The following AKAP9 variants were observed in gnomAD, a reference collection of about 807,000 sequenced individuals.
The protein encoded by AKAP9 is A-kinase anchor protein 9.
A neutral mutation model predicts 488.5 loss-of-function variants in AKAP9; 311 were observed. The observed-to-expected ratio is 0.64, with a 90% confidence interval of 0.58 to 0.70. The LOEUF (loss-of-function observed/expected upper bound fraction) is 0.70. Among genes scored for constraint, AKAP9 ranks in the 30% least tolerant of loss-of-function variants. The pLI, the probability that AKAP9 is intolerant of heterozygous loss-of-function variation, is 0.00. For missense variants in AKAP9, 4,215 were observed against 4,374.5 expected (o/e 0.96, Z 1.03); for synonymous variants, 1,462 against 1,483.5 (o/e 0.99, Z 0.33).
intron 8 of AKAP9, among the ~76,000 whole-genome samples, chr7:92,005,975 C>T (rs376095757): frequency 2.6e-4 from 39 of 152,154 alleles, no homozygotes; most frequent in African/African-American, 8.9e-4. Flanking sequence ...GGCCAAATTG[C>T]TTAACTGTTA....
Position 92,002,338 on chromosome 7 carries a change from C to T in AKAP9, c.2421C>T (p.Asp807=), listed in dbSNP as rs535122332. The change falls in exon 8 of 50, where the codon GAC becomes GAT. Residue 807 remains aspartate (D), a synonymous_variant. Coordinates refer to ENST00000356239, the MANE Select transcript of AKAP9 (RefSeq NM_005751.5). ...AAGAAGAAAGATTGATTTTCTTAGA[C>T]TCCATTAAGTCCAAATCCAAAGACT... ...VSQEERLIFL[D]SIKSKSKDSV... 1.9e-6 allele frequency: 3 copies of T among 1,612,884 alleles called. No homozygotes were observed. Among genetic ancestry groups the T allele is most frequent in the East Asian group, 2.2e-5 (1 of 44,730 alleles).
chr7:92,070,929 G>T lies in AKAP9; in HGVS notation c.6532G>T (p.Ala2178Ser). ...GGTAGAGGACCGAAAACACTTTGGA[G>T]CTGTAGAAGCTAAACCAGAATTGTC... ...QKVEDRKHFGAVEAKPELSLE... is the reference protein window; with the variant it reads ...QKVEDRKHFGSVEAKPELSLE... Residue 2178 changes from alanine (A) to serine (S), a missense_variant, in exon 28 of 50, where the codon GCT (alanine) becomes TCT (serine). Physicochemically the swap from Ala to Ser is moderately conservative, Grantham distance 99 (BLOSUM62 1). Coordinates refer to ENST00000356239, the MANE Select transcript of AKAP9 (RefSeq NM_005751.5). 1 of 1,613,694 alleles carries T rather than the reference G, an allele frequency of 6.2e-7. No homozygotes were observed. The highest frequency in any genetic ancestry group is 1.1e-5 in the South Asian group (1 of 91,070).
chr7:92,003,371 T>G, intron 8 of AKAP9, 136 bp downstream of exon 8: 3 of 688,478 alleles, frequency 4.4e-6, no homozygotes, highest in Non-Finnish European at 7.1e-6. Context: ...AATTTTAACT[T>G]GAGCCTATCA....
chr7:92,082,657 C>G lies in AKAP9; in HGVS notation c.8155C>G (p.Leu2719Val), dbSNP rs748705500. Residue 2719 changes from leucine to valine, a missense_variant, in exon 32 of 50, where the codon CTT (leucine) becomes GTT (valine). Transcript: ENST00000356239. Reference protein sequence around the residue: ...KEKAEKLQEELLVKETNMTSL... With the variant: ...KEKAEKLQEEVLVKETNMTSL... Reference sequence around the variant, plus strand: ...AAAGGCTGAAAAACTTCAAGAAGAGCTTTTGGTAAGATAAGTAACATAGCT... The same window carrying G: ...AAAGGCTGAAAAACTTCAAGAAGAGGTTTTGGTAAGATAAGTAACATAGCT... 6.2e-7 allele frequency: 1 copy of G among 1,613,838 alleles called. No individual in the cohort carries two copies. The highest frequency in any genetic ancestry group is 1.7e-5 in the Admixed American group (1 of 60,004).
At chr7:92,060,695 C>T (rs1809613640) in intron 22 of AKAP9, among the ~76,000 whole-genome samples, 1 of 152,078 alleles carries the variant, frequency 6.6e-6, no homozygotes, top group Non-Finnish European at 1.5e-5. Context: ...TTAGGTGTTT[C>T]ACAAATGGAC....
intron 3 of AKAP9, among the ~76,000 whole-genome samples, chr7:91,982,108 T>C (rs1311862680): frequency 1.3e-5 from 2 of 152,166 alleles, no homozygotes; most frequent in African/African-American, 4.8e-5. Context: ...TTTTCTCACA[T>C]TGAGATAATA....
intron 1 of AKAP9, among the ~76,000 whole-genome samples, chr7:91,961,799 G>A (rs986693163): frequency 1.3e-5 from 2 of 151,728 alleles, no homozygotes; most frequent in African/African-American, 4.8e-5. Context: ...AGCTGAGATC[G>A]CGCCACTGCA....
intron 42 of AKAP9, 134 bp downstream of exon 42, chr7:92,097,928 T>C: frequency 2.1e-6 from 2 of 961,866 alleles, no homozygotes; most frequent in African/African-American, 3.3e-5. Context: ...GGAGGTGATA[T>C]TCTTTAACAG....
chr7:92,045,046 T>A lies in AKAP9; in HGVS notation c.5201T>A (p.Ile1734Asn). 1.2e-6 allele frequency: 2 copies of A among 1,613,616 alleles called. No individual in the cohort carries two copies. Among genetic ancestry groups the A allele is most frequent in the Non-Finnish European group, 8.5e-7 (1 of 1,179,690 alleles). ...AAAGCTAATAATAGACTTTTGAAGA[T>A]CCTCTTAGAAGTTGTAAAGACAACA... Reference protein sequence around the residue: ...LQKANNRLLKILLEVVKTTAA... With the variant: ...LQKANNRLLKNLLEVVKTTAA... Residue 1734 changes from isoleucine (I) to asparagine (N), a missense_variant, in exon 21 of 50, where the codon ATC becomes AAC. Ile to Asn is a moderately radical substitution (Grantham distance 149). This residue lies in a region of AKAP9 where 2,361 missense variants were observed against 2,430.0 expected (regional missense o/e 0.97). Coordinates refer to ENST00000356239, the MANE Select transcript of AKAP9 (RefSeq NM_005751.5).
In AKAP9 at chr7:92,083,387, A is replaced by G; in HGVS notation, c.8378A>G (p.Gln2793Arg). 1 of 1,614,054 alleles carries G rather than the reference A, an allele frequency of 6.2e-7. No individual in the cohort carries two copies. Among genetic ancestry groups the G allele is most frequent in the Non-Finnish European group, 8.5e-7 (1 of 1,179,982 alleles). The change falls in exon 33 of 50, where the codon CAG becomes CGG. Residue 2793 changes from glutamine to arginine, a missense_variant. By Grantham distance (43) the Gln-to-Arg change is conservative. This residue lies in a region of AKAP9 where 1,476 missense variants were observed against 1,477.4 expected (regional missense o/e 1.00). Coordinates refer to ENST00000356239, the MANE Select transcript of AKAP9 (RefSeq NM_005751.5). ...DGTLKISSSN[Q>R]TPQILVKNAG... ...ACTCTGAAGATCAGTAGCAGCAATC[A>G]GACTCCACAAATTCTTGTTAAAAAT...
chr7:92,033,471 G>T (rs1371423934), intron 16 of AKAP9, among the ~76,000 whole-genome samples: 13 of 143,144 alleles, frequency 9.1e-5, no homozygotes, highest in Non-Finnish European at 3.0e-5. Flanking sequence ...TTTGAGACAG[G>T]GTCTGGCTCT....
chr7:92,036,140 T>C (rs1805156741), intron 16 of AKAP9, among the ~76,000 whole-genome samples: 1 of 152,116 alleles, frequency 6.6e-6, no homozygotes, highest in African/African-American at 2.4e-5. Flanking sequence ...TGGTTAGCAG[T>C]TATTTTTATG....
At chr7:92,090,864 C>T (rs186731141) in intron 38 of AKAP9, among the ~76,000 whole-genome samples, 38 of 152,254 alleles carry the variant, frequency 2.5e-4, no homozygotes, top group Non-Finnish European at 4.6e-4. Flanking sequence ...AATGATTTTC[C>T]TACATAGTCA....
rs370754161 is a variant in AKAP9, at chr7:92,099,869, T to C, written c.10896T>C (p.Asn3632=). The C allele has an allele frequency of 1.2e-6, 2 of 1,613,756 alleles. No individual in the cohort carries two copies. Among genetic ancestry groups the C allele is most frequent in the Admixed American group, 3.3e-5 (2 of 59,994 alleles). ...GACAGACAGGAGCTGGTAGAGATAA[T>C]GTATGTCCATTTTTAGCATCTCCAT... ...WYRQTGAGRD[N]SSRFSLNGGA... is the part of the protein sequence containing the mutation. Residue 3632 remains asparagine (N), a splice_region_variant and synonymous_variant, in exon 44 of 50, where the codon AAT becomes AAC. Transcript: ENST00000356239.
intron 16 of AKAP9, among the ~76,000 whole-genome samples, chr7:92,036,414 C>A (rs774301773): frequency 6.6e-6 from 1 of 152,014 alleles, no homozygotes; most frequent in Non-Finnish European, 1.5e-5. Flanking sequence ...ACACAATCCT[C>A]TCACCTCAGT....
chr7:92,058,262 G>A (rs537004354), intron 22 of AKAP9: 58 of 587,660 alleles, frequency 9.9e-5, no homozygotes, highest in South Asian at 3.8e-4. Flanking sequence ...TGAATCTCGC[G>A]TGCCTTTACC....
intron 1 of AKAP9, among the ~76,000 whole-genome samples, chr7:91,949,761 G>A (rs1324527989): frequency 2.0e-5 from 3 of 152,062 alleles, no homozygotes; most frequent in Non-Finnish European, 4.4e-5. Context: ...ATTATTTCAG[G>A]AGTAGTTTTG....
At position 92,097,052 on chromosome 7, in the gene AKAP9, G is replaced by A. The variant is rs1167367385; in HGVS notation, c.10093G>A (p.Glu3365Lys). The change falls in exon 41 of 50, where the codon GAG becomes AAG. Residue 3365 changes from glutamate (E) to lysine (K), a missense_variant. Glu to Lys is a moderately conservative substitution (Grantham distance 56). Around this residue, in one of 5 missense-constraint regions of AKAP9, gnomAD observed 1,476 missense variants for 1,477.4 expected, o/e 1.00. Transcript: ENST00000356239. ...CAGTCGCATAGTAGAATTGTTAAAT[G>A]AGACTGAAAAATATAAACTGGATTC... ...KHSRIVELLN[E>K]TEKYKLDSLQ... 2 of 1,614,092 alleles carry A rather than the reference G, an allele frequency of 1.2e-6. No homozygotes were observed. The highest frequency in any genetic ancestry group is 1.7e-6 in the Non-Finnish European group (2 of 1,180,058).
At chr7:92,006,143 ATTTTCT>A (rs746034886) in intron 8 of AKAP9, among the ~76,000 whole-genome samples, 6 of 151,498 alleles carry the variant, frequency 4.0e-5, no homozygotes, top group Non-Finnish European at 7.4e-5. Context: ...AGGAATTCTA[ATTTTCT>A]TTTTCTTTTT....
Sources: allele counts gnomAD v4.1 joint callset (sites outside exome capture counted in the v4.1 genomes callset), GRCh38; gene constraint gnomAD v4.1.1; regional missense constraint gnomAD v4.1.1; transcripts MANE v1.5; gene names NCBI Gene and HGNC (gene_info 2026-07-23, HGNC 2026-07-21).